Variants in PCYT1A observed in about 807,000 individuals in gnomAD.
PCYT1A encodes the protein choline-phosphate cytidylyltransferase A.
A neutral mutation model predicts 43.7 loss-of-function variants in PCYT1A; 25 were observed. That is an observed-to-expected ratio of 0.57 (90% CI 0.42 to 0.80). The LOEUF is 0.80. PCYT1A is among the 30% of genes least tolerant of loss of function. The probability of loss-of-function intolerance (pLI) is 0.00; values close to 1 mark genes in which losing one functional copy is unlikely to be tolerated. For missense variants in PCYT1A, 421 were observed against 474.2 expected (o/e 0.89, Z 1.04); for synonymous variants, 172 against 170.7 (o/e 1.01, Z -0.06).
Position 196,238,686 on chromosome 3 carries a change from C to T in PCYT1A, c.*2G>A. 1.3e-6 allele frequency: 2 copies of T among 1,514,132 alleles called. No homozygotes were observed. The highest frequency in any genetic ancestry group is 1.8e-6 in the Non-Finnish European group (2 of 1,127,286). The allele number at this position is 1,514,132 out of a possible 1,614,324, so 93.8% of individuals were successfully genotyped here. ...GGAGGACAGGAAAGGAGGGAGGAAA[C>T]ATTAGTCTTCTTCATCCTCACTGAT... On this transcript the variant is annotated 3_prime_UTR_variant, in exon 9 of 9. Coordinates refer to ENST00000431016, the MANE Select transcript of PCYT1A (RefSeq NM_001312673.2).
chr3:196,254,799 G>A (rs954444282), intron 3 of PCYT1A, among the ~76,000 whole-genome samples: 1 of 152,202 alleles, frequency 6.6e-6, no homozygotes, highest in Non-Finnish European at 1.5e-5. Context: ...GAAGAAACCT[G>A]GGTTTCAGTT....
At chr3:196,254,946 T>C (rs572715423) in intron 3 of PCYT1A, among the ~76,000 whole-genome samples, 1 of 152,272 alleles carries the variant, frequency 6.6e-6, no homozygotes, top group Admixed American at 6.5e-5. Context: ...TTTTTTCATC[T>C]CCCAAAAGAT....
intron 5 of PCYT1A, among the ~76,000 whole-genome samples, chr3:196,246,387 C>A (rs1173109285): frequency 1.3e-5 from 2 of 151,828 alleles, no homozygotes; most frequent in African/African-American, 4.8e-5. Flanking sequence ...CCACCTTTTG[C>A]AGGAAACCTG....
intron 3 of PCYT1A, among the ~76,000 whole-genome samples, chr3:196,254,825 T>C (rs754637321): frequency 3.9e-5 from 6 of 152,230 alleles, no homozygotes; most frequent in Non-Finnish European, 8.8e-5. Flanking sequence ...TCTCTTTTGA[T>C]AGATTTACTC....
chr3:196,246,801 G>T (rs188311691), intron 5 of PCYT1A, among the ~76,000 whole-genome samples: 1 of 152,202 alleles, frequency 6.6e-6, no homozygotes, highest in African/African-American at 2.4e-5. Flanking sequence ...CCTATGGTGT[G>T]GGGGGAAGGT....
chr3:196,239,236 A>G (rs1009497025), intron 8 of PCYT1A, among the ~76,000 whole-genome samples: 21 of 152,252 alleles, frequency 1.4e-4, no homozygotes, highest in Non-Finnish European at 2.8e-4. Flanking sequence ...CTTTCTTTTT[A>G]TTGTTCTTTA....
chr3:196,285,328 A>G (rs1725879430), intron 1 of PCYT1A, among the ~76,000 whole-genome samples: 1 of 152,076 alleles, frequency 6.6e-6, no homozygotes, highest in Non-Finnish European at 1.5e-5. Context: ...GCATGGTGGC[A>G]CATGCCTGTA....
chr3:196,248,418 C>A, intron 3 of PCYT1A, 95 bp from the exon 4 acceptor site: 2 of 687,938 alleles, frequency 2.9e-6, no homozygotes, highest in Non-Finnish European at 5.0e-6. Flanking sequence ...GTCACCCAGG[C>A]TGGAGTGCAG....
At chr3:196,249,184 T>C (rs1283245050) in intron 3 of PCYT1A, among the ~76,000 whole-genome samples, 2 of 151,992 alleles carry the variant, frequency 1.3e-5, no homozygotes, top group Non-Finnish European at 2.9e-5. Context: ...TCTCACTCTG[T>C]CATCCAGCCT....
chr3:196,238,806 G>A lies in PCYT1A; in HGVS notation c.986C>T (p.Ser329Phe). ...SPSSSPTRER[S>F]PSPSFRWPFS... is the part of the protein sequence containing the mutation. ...GGGCCATCGGAAAGAGGGGGAGGGGGAGCGCTCGCGAGTAGGGCTGCTGCT... is the reference window on the plus strand; with the variant it reads ...GGGCCATCGGAAAGAGGGGGAGGGGAAGCGCTCGCGAGTAGGGCTGCTGCT... The change falls in exon 9 of 9, where the codon TCC becomes TTC. Residue 329 changes from serine (S) to phenylalanine (F), a missense_variant. Coordinates refer to ENST00000431016, the MANE Select transcript of PCYT1A (RefSeq NM_001312673.2). 6.3e-7 allele frequency: 1 copy of A among 1,577,270 alleles called. No individual in the cohort carries two copies. Among genetic ancestry groups the A allele is most frequent in the Non-Finnish European group, 8.6e-7 (1 of 1,162,556 alleles).
In PCYT1A at chr3:196,238,815, C is replaced by G. The variant is rs549056100; in HGVS notation, c.977G>C (p.Arg326Pro). The G allele has an allele frequency of 1.0e-5, 16 of 1,573,388 alleles. No individual in the cohort carries two copies. Among genetic ancestry groups the G allele is most frequent in the African/African-American group, 1.4e-5 (1 of 72,640 alleles). The change falls in exon 9 of 9, where the codon CGC (arginine) becomes CCC (proline). Residue 326 changes from arginine to proline, a missense_variant. This residue lies in a region of PCYT1A where 108 missense variants were observed against 85.7 expected (regional missense o/e 1.26). Coordinates refer to ENST00000431016, the MANE Select transcript of PCYT1A (RefSeq NM_001312673.2). ...GAAAGAGGGGGAGGGGGAGCGCTCG[C>G]GAGTAGGGCTGCTGCTGGGGCTCTG... ...PKQSPSSSPT[R>P]ERSPSPSFRW... is the part of the protein sequence containing the mutation.
At chr3:196,280,291 C>T (rs1421925674) in intron 1 of PCYT1A, among the ~76,000 whole-genome samples, 1 of 152,142 alleles carries the variant, frequency 6.6e-6, no homozygotes, top group African/African-American at 2.4e-5. Flanking sequence ...GCCTGAACCC[C>T]TAGAGAGTAT....
intron 1 of PCYT1A, among the ~76,000 whole-genome samples, chr3:196,272,320 G>A (rs1157740456): frequency 1.3e-5 from 2 of 152,078 alleles, no homozygotes; most frequent in Non-Finnish European, 2.9e-5. Context: ...GAGTAGGTGG[G>A]ATTACAGGCA....
intron 2 of PCYT1A, among the ~76,000 whole-genome samples, chr3:196,259,993 G>A (rs1328421546): frequency 8.2e-6 from 1 of 121,732 alleles, no homozygotes; most frequent in Non-Finnish European, 1.6e-5. Context: ...TGTGAACTCA[G>A]CTCACTGCAA....
chr3:196,266,284 A>G (rs1725272048), intron 2 of PCYT1A, among the ~76,000 whole-genome samples: 1 of 150,218 alleles, frequency 6.7e-6, no homozygotes, highest in South Asian at 2.1e-4. Context: ...CATCCTGGCT[A>G]ACACGGTGAA....
chr3:196,239,262 C>G (rs192078983), intron 8 of PCYT1A, among the ~76,000 whole-genome samples: 1 of 152,332 alleles, frequency 6.6e-6, no homozygotes, highest in East Asian at 1.9e-4. Flanking sequence ...TCCTTTCCTT[C>G]TATCTAAAAT....
In PCYT1A at chr3:196,238,876, C is replaced by T. The variant is rs539292115; in HGVS notation, c.916G>A (p.Gly306Arg). The T allele has an allele frequency of 2.8e-6, 4 of 1,449,426 alleles. No homozygotes were observed. Among genetic ancestry groups the T allele is most frequent in the African/African-American group, 1.5e-5 (1 of 68,532 alleles). 89.8% of individuals were successfully genotyped at this position (1,449,426 alleles called of 1,614,324 possible). The change falls in exon 9 of 9, where the codon GGG becomes AGG. Residue 306 changes from glycine (G) to arginine (R), a missense_variant. Physicochemically the swap from Gly to Arg is moderately radical, Grantham distance 125 (BLOSUM62 -2). This residue lies in a region of PCYT1A where 108 missense variants were observed against 85.7 expected (regional missense o/e 1.26). Coordinates refer to ENST00000431016, the MANE Select transcript of PCYT1A (RefSeq NM_001312673.2). ...ATGGCCTGCAGCATCCGGCCCTTCC[C>T]CTCTTTCAGCATATGTTTCTGCAGA... The part of the protein sequence containing the change: ...EGALKHMLKE[G>R]KGRMLQAISP...
At chr3:196,259,347 A>G (rs1394543165) in intron 2 of PCYT1A, among the ~76,000 whole-genome samples, 1 of 128,892 alleles carries the variant, frequency 7.8e-6, no homozygotes, top group African/African-American at 2.8e-5. Context: ...TTACATTTAA[A>G]TTGTCAAATT....
chr3:196,253,973 T>A (rs1399543142), intron 3 of PCYT1A, among the ~76,000 whole-genome samples: 1 of 149,542 alleles, frequency 6.7e-6, no homozygotes, highest in Non-Finnish European at 1.5e-5. Context: ...ATATTTAATA[T>A]CATTTATATA....
Sources: allele counts gnomAD v4.1 joint callset (sites outside exome capture counted in the v4.1 genomes callset), GRCh38; gene constraint gnomAD v4.1.1; regional missense constraint gnomAD v4.1.1; transcripts MANE v1.5; gene names NCBI Gene and HGNC (gene_info 2026-07-23, HGNC 2026-07-21).